COG5: variants seen among roughly 807,000 people sequenced by gnomAD.
COG5 encodes the protein component of oligomeric golgi complex 5, also known as conserved oligomeric Golgi complex subunit 5.
A neutral mutation model predicts 110.4 loss-of-function variants in COG5; 86 were observed. The ratio of observed to expected loss-of-function variants is 0.78; its 90% CI spans 0.65 to 0.93. COG5 has a LOEUF of 0.93. COG5 is among the 40% of genes least tolerant of loss of function. COG5 has a pLI of 0.00. For missense variants in COG5, 1,077 were observed against 987.0 expected (o/e 1.09, Z -1.22); for synonymous variants, 360 against 334.6 (o/e 1.08, Z -0.83).
At chr7:107,326,210 T>C (rs1171244910) in intron 10 of COG5, among the ~76,000 whole-genome samples, 1 of 152,070 alleles carries the variant, frequency 6.6e-6, no homozygotes, top group Admixed American at 6.6e-5. Flanking sequence ...TACTCCATGG[T>C]GCGAAACAGA....
chr7:107,231,583 G>A (rs1800778152), intron 18 of COG5, among the ~76,000 whole-genome samples: 1 of 152,140 alleles, frequency 6.6e-6, no homozygotes, highest in South Asian at 2.1e-4. Flanking sequence ...TTAGAAAATG[G>A]TTGAGAATAG....
chr7:107,520,447 C>G, intron 6 of COG5, among the ~76,000 whole-genome samples: 1 of 152,168 alleles, frequency 6.6e-6, no homozygotes. Flanking sequence ...TCAGTGAAGT[C>G]TCAGGATACA....
At position 107,372,692 on chromosome 7, in the gene COG5, G is replaced by A; in HGVS notation, c.738C>T (p.Thr246=). 6.2e-7 allele frequency: 1 copy of A among 1,613,252 alleles called. No homozygotes were observed. The highest frequency in any genetic ancestry group is 8.5e-7 in the Non-Finnish European group (1 of 1,179,492). The change falls in exon 8 of 22, where the codon ACC becomes ACT. Residue 246 remains threonine, a synonymous_variant. Transcript: ENST00000297135. The stretch of plus-strand genomic sequence containing the variant: ...TAGCACAATATCCATCCACAACACT[G>A]GTAATAGTATCCTTCAAAGTTCCAA... ...YNLGTLKDTI[T]SVVDGYCATL...
chr7:107,228,676 T>C (rs922036044), intron 19 of COG5, among the ~76,000 whole-genome samples: 4 of 152,114 alleles, frequency 2.6e-5, no homozygotes, highest in African/African-American at 4.8e-5. Flanking sequence ...CTGAAAGCAT[T>C]TGTGATCTCA....
At chr7:107,556,985 G>A (rs2129178747) in intron 2 of COG5, among the ~76,000 whole-genome samples, 1 of 152,156 alleles carries the variant, frequency 6.6e-6, no homozygotes, top group Admixed American at 6.5e-5. Context: ...TGGCCAGGCT[G>A]GTCTGGAACT....
At chr7:107,342,580 A>G (rs1442103080) in intron 10 of COG5, among the ~76,000 whole-genome samples, 2 of 152,042 alleles carry the variant, frequency 1.3e-5, no homozygotes, top group Non-Finnish European at 2.9e-5. Context: ...TGGGAAGCTG[A>G]GGCAGGAGAC....
At chr7:107,269,257 C>T (rs1011719368) in intron 14 of COG5, among the ~76,000 whole-genome samples, 15 of 152,176 alleles carry the variant, frequency 9.9e-5, no homozygotes, top group African/African-American at 2.9e-4. Context: ...GGGGGGATCA[C>T]GAGGTCACAA....
chr7:107,283,295 T>C (rs551574447), intron 13 of COG5, among the ~76,000 whole-genome samples: 2 of 152,204 alleles, frequency 1.3e-5, no homozygotes, highest in African/African-American at 2.4e-5. Context: ...AAATTTACTA[T>C]GATACAAAGA....
At chr7:107,224,198 G>T (rs183478004) in intron 19 of COG5, among the ~76,000 whole-genome samples, 98 of 152,252 alleles carry the variant, frequency 6.4e-4, no homozygotes, top group Admixed American at 6.3e-3. Flanking sequence ...GCATCTGGAG[G>T]GTCTTAGTGT....
At chr7:107,328,889 T>G (rs1584684778) in intron 10 of COG5, among the ~76,000 whole-genome samples, 1 of 152,132 alleles carries the variant, frequency 6.6e-6, no homozygotes, top group African/African-American at 2.4e-5. Flanking sequence ...GGTGTGATCT[T>G]GGCTCATTGC....
chr7:107,414,137 G>C (rs909926543), intron 6 of COG5, among the ~76,000 whole-genome samples: 3 of 152,122 alleles, frequency 2.0e-5, no homozygotes, highest in Non-Finnish European at 4.4e-5. Flanking sequence ...GCCCAGGTTA[G>C]AACAATGAAA....
chr7:107,249,579 A>G (rs1802323235), intron 16 of COG5, among the ~76,000 whole-genome samples: 1 of 152,106 alleles, frequency 6.6e-6, no homozygotes, highest in Admixed American at 6.6e-5. Context: ...GTTTTGGCTC[A>G]TACAAATGAT....
At chr7:107,425,908 T>C (rs1194674340) in intron 6 of COG5, among the ~76,000 whole-genome samples, 2 of 152,208 alleles carry the variant, frequency 1.3e-5, no homozygotes, top group African/African-American at 2.4e-5. Context: ...ATATGACTAG[T>C]GTCCTTATAT....
intron 6 of COG5, among the ~76,000 whole-genome samples, chr7:107,483,674 A>ACCCATCGCAACCATTGTT (rs1797480695): frequency 3.3e-5 from 5 of 151,982 alleles, no homozygotes; most frequent in Non-Finnish European, 7.4e-5. Context: ...ATTGCACTCC[A>ACCCATCGCAACCATTGTT]GCCTGGGAGG....
intron 6 of COG5, among the ~76,000 whole-genome samples, chr7:107,513,553 T>C (rs1399390962): frequency 6.6e-6 from 1 of 152,194 alleles, no homozygotes; most frequent in Non-Finnish European, 1.5e-5. Context: ...ACTGGGTATA[T>C]ACCCAAAGGA....
chr7:107,364,657 AT>A (rs1327921901), intron 8 of COG5, among the ~76,000 whole-genome samples: 1 of 152,202 alleles, frequency 6.6e-6, no homozygotes, highest in East Asian at 1.9e-4. Flanking sequence ...TAGTCATTCT[AT>A]ATCCCTGCTT....
chr7:107,354,912 T>A (rs951701892), intron 10 of COG5, among the ~76,000 whole-genome samples: 1 of 152,198 alleles, frequency 6.6e-6, no homozygotes, highest in African/African-American at 2.4e-5. Context: ...AATTACTACA[T>A]TGTCCTGCCC....
intron 19 of COG5, among the ~76,000 whole-genome samples, chr7:107,217,776 A>G (rs1424048770): frequency 6.6e-6 from 1 of 152,180 alleles, no homozygotes; most frequent in Non-Finnish European, 1.5e-5. Flanking sequence ...TGAAAAGTTG[A>G]AAGCTTTTCC....
chr7:107,456,513 G>A (rs1795676830), intron 6 of COG5, among the ~76,000 whole-genome samples: 1 of 152,118 alleles, frequency 6.6e-6, no homozygotes, highest in East Asian at 1.9e-4. Context: ...CCCCTATAAT[G>A]TAAGGGGAAA....
Sources: gnomAD v4.1 joint callset for allele counts (sites outside exome capture counted in the v4.1 genomes callset) on GRCh38, gnomAD v4.1.1 for gene constraint, MANE v1.5 for transcripts, NCBI Gene and HGNC (gene_info 2026-07-23, HGNC 2026-07-21) for gene names.